The following AFF1 variants were observed in gnomAD, a reference collection of about 807,000 sequenced individuals.
AFF1 encodes the protein AF4/FMR2 family member 1.
Under a neutral mutation model 121.7 loss-of-function variants are expected in AFF1, and 48 were observed. The observed-to-expected ratio is 0.39, with a 90% CI of 0.31 to 0.50. The LOEUF is 0.50. Ranked by LOEUF, AFF1 falls within the 20% of genes least tolerant of loss-of-function variation. The probability of loss-of-function intolerance (pLI) is 0.76; values close to 1 mark genes in which losing one functional copy is unlikely to be tolerated. For synonymous variants in AFF1, 613 were observed against 563.0 expected (o/e 1.09, Z -1.26); for missense variants, 1,523 against 1,511.7 (o/e 1.01, Z -0.12).
At chr4:87,134,764 T>G in intron 20 of AFF1, 70 bp downstream of exon 20, 1 of 1,296,182 alleles carries the variant, frequency 7.7e-7, no homozygotes, top group Non-Finnish European at 1.1e-6. Flanking sequence ...TTGGTTTATA[T>G]TTTATAAGTT....
At chr4:87,036,868 C>A in intron 2 of AFF1, 1 of 476,778 alleles carries the variant, frequency 2.1e-6, no homozygotes, top group Admixed American at 2.2e-5. Context: ...CTTCTTGCTC[C>A]ATCGCTGAGG....
intron 4 of AFF1, among the ~76,000 whole-genome samples, chr4:87,064,607 G>A (rs78164027): frequency 3.3e-5 from 5 of 152,202 alleles, no homozygotes; most frequent in East Asian, 3.9e-4. Context: ...GGCTGGGCAC[G>A]GTGGCTCATG....
intron 2 of AFF1, chr4:87,020,761 G>A (rs373610021): frequency 1.0e-6 from 1 of 982,630 alleles, no homozygotes; most frequent in South Asian, 4.7e-5. Flanking sequence ...TGGGATTACA[G>A]GCGGGATTAC....
chr4:87,109,321 G>A (rs1312552900), intron 11 of AFF1, among the ~76,000 whole-genome samples: 1 of 152,194 alleles, frequency 6.6e-6, no homozygotes, highest in African/African-American at 2.4e-5. Flanking sequence ...TTGTCTGAGG[G>A]TGAGGGAGGC....
In AFF1 at chr4:87,114,677, C is replaced by G; in HGVS notation, c.1844C>G (p.Pro615Arg). ...GTTGGAACCAAACAACCCAAAAAAC[C>G]TGTCAAGGCCTCTGCCCGGGCAGGT... ...QTVGTKQPKKPVKASARAGSR... is the reference protein window; with the variant it reads ...QTVGTKQPKKRVKASARAGSR... The change falls in exon 12 of 21, where the codon CCT becomes CGT. Residue 615 changes from proline to arginine, a missense_variant. Coordinates refer to ENST00000395146, the MANE Select transcript of AFF1 (RefSeq NM_001166693.3). 2 of 1,613,678 alleles carry G rather than the reference C, an allele frequency of 1.2e-6. No homozygotes were observed. The highest frequency in any genetic ancestry group is 2.2e-5 in the South Asian group (2 of 91,068).
intron 2 of AFF1, among the ~76,000 whole-genome samples, chr4:86,994,483 AC>A (rs995224061): frequency 6.6e-6 from 1 of 152,228 alleles, no homozygotes; most frequent in African/African-American, 2.4e-5. Flanking sequence ...GGCAGATCTC[AC>A]CTGCAAACAC....
intron 2 of AFF1, among the ~76,000 whole-genome samples, chr4:87,009,030 A>G (rs564367523): frequency 1.6e-4 from 24 of 152,348 alleles, no homozygotes; most frequent in Admixed American, 2.0e-4. Context: ...GATCTCAGTA[A>G]TATAGCGCAG....
intron 1 of AFF1, among the ~76,000 whole-genome samples, chr4:86,938,826 A>T (rs1720239599): frequency 6.6e-6 from 1 of 152,238 alleles, no homozygotes; most frequent in Non-Finnish European, 1.5e-5. Flanking sequence ...AGGGTTGCTA[A>T]TAGGAGTTTC....
At chr4:86,971,503 A>ATG (rs1722945096) in intron 2 of AFF1, among the ~76,000 whole-genome samples, 1 of 152,322 alleles carries the variant, frequency 6.6e-6, no homozygotes, top group East Asian at 1.9e-4. Context: ...ATTAAGCAGT[A>ATG]GTTTAGCTTA....
intron 2 of AFF1, among the ~76,000 whole-genome samples, chr4:87,028,720 C>T (rs759795201): frequency 7.9e-5 from 12 of 152,214 alleles, no homozygotes; most frequent in Non-Finnish European, 1.6e-4. Flanking sequence ...AGTGGAGACT[C>T]ATGTCCATTT....
intron 2 of AFF1, among the ~76,000 whole-genome samples, chr4:87,024,929 A>G (rs923053771): frequency 1.3e-5 from 2 of 152,092 alleles, no homozygotes; most frequent in African/African-American, 2.4e-5. Context: ...TTTAGAAAAA[A>G]CTGATGTTTA....
At chr4:87,053,270 T>C (rs1253238683) in intron 4 of AFF1, among the ~76,000 whole-genome samples, 3 of 152,228 alleles carry the variant, frequency 2.0e-5, no homozygotes, top group Admixed American at 2.0e-4. Context: ...TGTCACATCA[T>C]GTTAGGAACG....
chr4:87,007,787 T>G (rs888176186), intron 2 of AFF1, among the ~76,000 whole-genome samples: 3 of 152,180 alleles, frequency 2.0e-5, no homozygotes, highest in Non-Finnish European at 4.4e-5. Context: ...CTGGATTTCT[T>G]GCTGTTGTCT....
intron 2 of AFF1, among the ~76,000 whole-genome samples, chr4:86,951,380 A>AG (rs1018760158): frequency 4.9e-4 from 74 of 151,254 alleles, no homozygotes; most frequent in South Asian, 2.1e-3. Context: ...TGTCACAAAA[A>AG]AAAAAAATTG....
chr4:87,057,562 G>A (rs779588004), intron 4 of AFF1, among the ~76,000 whole-genome samples: 2 of 148,828 alleles, frequency 1.3e-5, no homozygotes, highest in African/African-American at 2.6e-5. Context: ...ACTCTTGGTA[G>A]TGGTAGAAGT....
chr4:86,945,354 T>G (rs1468931904), intron 1 of AFF1, among the ~76,000 whole-genome samples: 6 of 146,166 alleles, frequency 4.1e-5, no homozygotes, highest in Non-Finnish European at 9.0e-5. Flanking sequence ...AGGCAGGGCC[T>G]TGTTTTTTCA....
chr4:87,021,094 CCTT>C (rs1727854512), intron 2 of AFF1, among the ~76,000 whole-genome samples: 1 of 152,072 alleles, frequency 6.6e-6, no homozygotes. Flanking sequence ...GGCTGATTGC[CCTT>C]CTTTACCCTT....
intron 2 of AFF1, among the ~76,000 whole-genome samples, chr4:87,003,538 G>A (rs1237019316): frequency 6.6e-6 from 1 of 152,222 alleles, no homozygotes; most frequent in East Asian, 1.9e-4. Context: ...ACAGGCATGA[G>A]CCACTATGCC....
intron 11 of AFF1, among the ~76,000 whole-genome samples, chr4:87,110,451 G>C (rs140313026): frequency 3.5e-5 from 1 of 28,494 alleles, no homozygotes; most frequent in Non-Finnish European, 1.1e-4. Context: ...TTTTTGTTTT[G>C]TTTTGTTTTG....
Sources: gnomAD v4.1 joint callset for allele counts (sites outside exome capture counted in the v4.1 genomes callset) on GRCh38, gnomAD v4.1.1 for gene constraint, MANE v1.5 for transcripts, NCBI Gene and HGNC (gene_info 2026-07-23, HGNC 2026-07-21) for gene names.